Variants in MDGA2 observed in about 807,000 individuals in gnomAD.
MDGA2 encodes MAM domain-containing glycosylphosphatidylinositol anchor protein 2.
A neutral mutation model predicts 117.8 loss-of-function variants in MDGA2; 40 were observed. The observed-to-expected ratio is 0.34, with a 90% CI of 0.26 to 0.44. The LOEUF (loss-of-function observed/expected upper bound fraction) is 0.44. Ranked by LOEUF, MDGA2 falls within the 20% of genes least tolerant of loss-of-function variation. The pLI is 1.00. For missense variants in MDGA2, 1,123 were observed against 1,250.6 expected (o/e 0.90, Z 1.54); for synonymous variants, 452 against 439.0 (o/e 1.03, Z -0.37).
At chr14:47,227,435 C>T (rs1195673164) in intron 2 of MDGA2, among the ~76,000 whole-genome samples, 1 of 152,150 alleles carries the variant, frequency 6.6e-6, no homozygotes, top group Non-Finnish European at 1.5e-5. Context: ...CAGCTTCCTC[C>T]CTTTCCTCTC....
chr14:47,036,314 T>A (rs1042283423), intron 7 of MDGA2, among the ~76,000 whole-genome samples: 21 of 147,934 alleles, frequency 1.4e-4, no homozygotes, highest in Non-Finnish European at 2.1e-4. Flanking sequence ...TTTTCTCGAG[T>A]AAAGTTAATT....
chr14:47,626,891 G>C (rs1296275456), intron 1 of MDGA2, among the ~76,000 whole-genome samples: 1 of 152,274 alleles, frequency 6.6e-6, no homozygotes, highest in Non-Finnish European at 1.5e-5. Context: ...CGGAGTGCAG[G>C]CGCACGGCGC....
At chr14:47,316,728 C>T (rs8020012) in intron 1 of MDGA2, among the ~76,000 whole-genome samples, 8,524 of 151,898 alleles carry the variant, frequency 0.056, 279 homozygotes, top group Middle Eastern at 0.095. Flanking sequence ...ATTTGATTCC[C>T]TATTATAATC....
intron 7 of MDGA2, among the ~76,000 whole-genome samples, chr14:47,050,521 C>A (rs1432807229): frequency 6.6e-6 from 1 of 151,952 alleles, no homozygotes; most frequent in African/African-American, 2.4e-5. Flanking sequence ...TTCTGTTATA[C>A]ACTGAAATAA....
At chr14:47,244,377 C>T (rs1362618514) in intron 2 of MDGA2, among the ~76,000 whole-genome samples, 1 of 151,750 alleles carries the variant, frequency 6.6e-6, no homozygotes, top group Admixed American at 6.6e-5. Context: ...CAATATTACA[C>T]TCTTGCCATT....
At chr14:47,138,258 C>T (rs1882552576) in intron 4 of MDGA2, among the ~76,000 whole-genome samples, 1 of 151,788 alleles carries the variant, frequency 6.6e-6, no homozygotes, top group Admixed American at 6.6e-5. Flanking sequence ...TGTTGGGAGG[C>T]TTTTTGCAAG....
chr14:47,359,645 G>A (rs1478819798), intron 1 of MDGA2, among the ~76,000 whole-genome samples: 1 of 143,934 alleles, frequency 6.9e-6, no homozygotes, highest in East Asian at 2.5e-4. Flanking sequence ...AAGCTACTCT[G>A]GAGGCTGAGG....
At chr14:47,557,947 C>G (rs1009728152) in intron 1 of MDGA2, among the ~76,000 whole-genome samples, 6 of 152,078 alleles carry the variant, frequency 3.9e-5, no homozygotes, top group Non-Finnish European at 8.8e-5. Flanking sequence ...TTGGATTATC[C>G]ACATTTGTCA....
chr14:46,994,780 T>C (rs1018157519), intron 8 of MDGA2, among the ~76,000 whole-genome samples: 2 of 152,128 alleles, frequency 1.3e-5, no homozygotes, highest in African/African-American at 4.8e-5. Flanking sequence ...AAATTGAAAA[T>C]ATTAAATCAT....
chr14:47,465,988 AT>A (rs1237266451), intron 1 of MDGA2, among the ~76,000 whole-genome samples: 2 of 152,214 alleles, frequency 1.3e-5, no homozygotes, highest in East Asian at 3.9e-4. Flanking sequence ...CTATGTAGTC[AT>A]AAAAAAGAAC....
chr14:47,201,315 C>G (rs984836532), intron 3 of MDGA2, among the ~76,000 whole-genome samples: 1 of 152,166 alleles, frequency 6.6e-6, no homozygotes. Context: ...ACTGAAAGGA[C>G]AGTCACTTCC....
At chr14:46,845,471 C>T (rs2138270696) in intron 16 of MDGA2, among the ~76,000 whole-genome samples, 1 of 152,200 alleles carries the variant, frequency 6.6e-6, no homozygotes, top group South Asian at 2.1e-4. Context: ...TTTAAATCTT[C>T]TAAAACAAAT....
intron 1 of MDGA2, among the ~76,000 whole-genome samples, chr14:47,391,524 G>A (rs998521440): frequency 6.6e-6 from 1 of 152,036 alleles, no homozygotes; most frequent in African/African-American, 2.4e-5. Context: ...GGCCTTCCCT[G>A]GTTATATGTC....
chr14:47,136,008 C>T (rs910685366), intron 4 of MDGA2, among the ~76,000 whole-genome samples: 7 of 152,116 alleles, frequency 4.6e-5, no homozygotes, highest in South Asian at 4.1e-4. Context: ...TCTAAAGTTA[C>T]TTATTCTGTG....
At chr14:47,083,841 T>C (rs1190260337) in intron 6 of MDGA2, among the ~76,000 whole-genome samples, 2 of 151,856 alleles carry the variant, frequency 1.3e-5, no homozygotes, top group Admixed American at 6.6e-5. Context: ...ACATATACAA[T>C]GACAAAAGGT....
intron 3 of MDGA2, among the ~76,000 whole-genome samples, chr14:47,178,458 T>G (rs1884566138): frequency 6.6e-6 from 1 of 152,206 alleles, no homozygotes; most frequent in African/African-American, 2.4e-5. Context: ...TGTTTCTAAC[T>G]TTGGGCTCTT....
chr14:47,571,404 G>T (rs1454576497), intron 1 of MDGA2, among the ~76,000 whole-genome samples: 1 of 152,158 alleles, frequency 6.6e-6, no homozygotes, highest in Non-Finnish European at 1.5e-5. Context: ...CCATTACTGG[G>T]TATATACCCA....
At chr14:47,251,093 T>C (rs936669587) in intron 2 of MDGA2, among the ~76,000 whole-genome samples, 4 of 152,268 alleles carry the variant, frequency 2.6e-5, no homozygotes, top group Non-Finnish European at 5.9e-5. Flanking sequence ...TAAAAGTCTC[T>C]AATAGCTTCC....
intron 1 of MDGA2, among the ~76,000 whole-genome samples, chr14:47,611,344 A>G (rs2138904991): frequency 6.6e-6 from 1 of 152,282 alleles, no homozygotes; most frequent in Middle Eastern, 3.4e-3. Context: ...CAATAAAAAC[A>G]AAGATAAATA....
Sources: allele counts gnomAD v4.1 joint callset (sites outside exome capture counted in the v4.1 genomes callset), GRCh38; gene constraint gnomAD v4.1.1; transcripts MANE v1.5; gene names NCBI Gene and HGNC (gene_info 2026-07-23, HGNC 2026-07-21).